The following PRKCA variants were observed in gnomAD, a reference collection of about 807,000 sequenced individuals.
The protein encoded by PRKCA is protein kinase C alpha.
A neutral mutation model predicts 87.0 loss-of-function variants in PRKCA; 27 were observed. The observed-to-expected ratio is 0.31, with a 90% CI of 0.23 to 0.43. PRKCA has a LOEUF of 0.43. PRKCA is among the 20% of genes least tolerant of loss of function. The pLI is 1.00. For missense variants in PRKCA, 518 were observed against 852.3 expected (o/e 0.61, Z 4.88); for synonymous variants, 329 against 311.1 (o/e 1.06, Z -0.61).
rs572757666 is a variant in PRKCA, at chr17:66,463,794, C to T, written c.206-32407C>T. Among the ~76,000 whole-genome samples the T allele has an allele frequency of 1.2e-4, 19 of 152,328 alleles. No individual in the cohort carries two copies. In the South Asian group the frequency reaches 3.9e-3, roughly 32 times the overall value. Reference sequence around the variant, plus strand: ...CAGAGATTTCCCATGTACCTCATTTCTCTGTGCCTGCACAGCATCCCCACT... The same window carrying T: ...CAGAGATTTCCCATGTACCTCATTTTTCTGTGCCTGCACAGCATCCCCACT... On this transcript the variant is annotated intron_variant, in intron 2 of 16. Coordinates refer to ENST00000413366, the MANE Select transcript of PRKCA (RefSeq NM_002737.3).
Position 66,465,142 on chromosome 17 carries a change from C to T in PRKCA, c.206-31059C>T, listed in dbSNP as rs375181761. On this transcript the variant is annotated intron_variant, in intron 2 of 16. Coordinates refer to ENST00000413366, the MANE Select transcript of PRKCA (RefSeq NM_002737.3). ...TAGGAAACTCTTTGACTAGGCCAAC[C>T]CCCATAGCCTTAATAACCACAACTT... 7.2e-5 allele frequency among the ~76,000 whole-genome samples: 11 copies of T among 152,084 alleles called. No homozygotes were observed. The East Asian group carries it at 2.1e-3, about 29-fold the overall frequency.
At chr17:66,733,969 A>C (rs1278736300) in intron 9 of PRKCA, among the ~76,000 whole-genome samples, 2 of 152,256 alleles carry the variant, frequency 1.3e-5, no homozygotes, top group Non-Finnish European at 2.9e-5. Flanking sequence ...AGTCCAAGTC[A>C]TAGTGATCTG....
At chr17:66,755,870 C>A (rs762634858) in intron 13 of PRKCA, among the ~76,000 whole-genome samples, 45 of 152,148 alleles carry the variant, frequency 3.0e-4, no homozygotes, top group Non-Finnish European at 5.1e-4. Context: ...TGGTAGAATT[C>A]TCGCCTCCCT....
intron 8 of PRKCA, among the ~76,000 whole-genome samples, chr17:66,725,875 T>C (rs888130980): frequency 1.1e-4 from 16 of 150,804 alleles, no homozygotes; most frequent in African/African-American, 3.4e-4. Flanking sequence ...CGTAGCCCCA[T>C]GGTTTTGAGA....
At chr17:66,340,778 C>T (rs1295906963) in intron 2 of PRKCA, among the ~76,000 whole-genome samples, 2 of 152,098 alleles carry the variant, frequency 1.3e-5, no homozygotes, top group African/African-American at 2.4e-5. Flanking sequence ...ATCTTTAATA[C>T]AGCAACTGTG....
chr17:66,733,700 G>A (rs1043124078), intron 9 of PRKCA, among the ~76,000 whole-genome samples: 4 of 152,190 alleles, frequency 2.6e-5, no homozygotes, highest in Admixed American at 2.0e-4. Context: ...GCTGAGGCAG[G>A]AGAATCGCTG....
At chr17:66,537,383 G>C (rs1967825545) in intron 3 of PRKCA, among the ~76,000 whole-genome samples, 1 of 152,166 alleles carries the variant, frequency 6.6e-6, no homozygotes, top group Admixed American at 6.5e-5. Context: ...AAGGATCTAA[G>C]GATATTAGGA....
intron 5 of PRKCA, among the ~76,000 whole-genome samples, chr17:66,650,829 G>A (rs1306860887): frequency 6.6e-6 from 1 of 152,188 alleles, no homozygotes; most frequent in Non-Finnish European, 1.5e-5. Context: ...CAGAATGAAG[G>A]AAATGAGCCT....
intron 8 of PRKCA, among the ~76,000 whole-genome samples, chr17:66,708,319 C>T (rs1385420249): frequency 6.6e-6 from 1 of 152,194 alleles, no homozygotes; most frequent in Non-Finnish European, 1.5e-5. Context: ...TCTCCCTTCC[C>T]AGCATCCAGG....
chr17:66,465,663 G>A (rs1915052737), intron 2 of PRKCA, among the ~76,000 whole-genome samples: 1 of 151,894 alleles, frequency 6.6e-6, no homozygotes, highest in Non-Finnish European at 1.5e-5. Context: ...CCCCTCAAAA[G>A]TGTTGAGATT....
At chr17:66,728,603 G>A (rs1973812058) in intron 8 of PRKCA, among the ~76,000 whole-genome samples, 1 of 152,242 alleles carries the variant, frequency 6.6e-6, no homozygotes, top group African/African-American at 2.4e-5. Flanking sequence ...TAGCCTGACT[G>A]TGAGCAGTGT....
chr17:66,662,125 A>G (rs1971923517), intron 5 of PRKCA, among the ~76,000 whole-genome samples: 1 of 152,184 alleles, frequency 6.6e-6, no homozygotes, highest in Non-Finnish European at 1.5e-5. Flanking sequence ...GGTACCTTTT[A>G]TCCCTGAATC....
chr17:66,602,888 C>G (rs1035515097), intron 3 of PRKCA, among the ~76,000 whole-genome samples: 1 of 152,166 alleles, frequency 6.6e-6, no homozygotes, highest in South Asian at 2.1e-4. Flanking sequence ...AGCTTGGCCT[C>G]TCCTCTTCCG....
chr17:66,471,070 T>C (rs1915305122), intron 2 of PRKCA, among the ~76,000 whole-genome samples: 2 of 151,800 alleles, frequency 1.3e-5, no homozygotes, highest in African/African-American at 4.8e-5. Flanking sequence ...TGCATGAGAA[T>C]ACATACAAGA....
At chr17:66,457,884 C>T (rs1438587048) in intron 2 of PRKCA, among the ~76,000 whole-genome samples, 1 of 152,166 alleles carries the variant, frequency 6.6e-6, no homozygotes, top group Non-Finnish European at 1.5e-5. Context: ...CTACTACAGC[C>T]ATGATCACTA....
intron 14 of PRKCA, chr17:66,777,860 C>T (rs1008681775): frequency 1.0e-6 from 1 of 985,428 alleles, no homozygotes; most frequent in African/African-American, 1.7e-5. Context: ...CCCAGGTCTG[C>T]AGGAAAGTCC....
intron 13 of PRKCA, among the ~76,000 whole-genome samples, chr17:66,748,774 G>C (rs56241335): frequency 3.9e-5 from 6 of 152,112 alleles, no homozygotes; most frequent in Non-Finnish European, 8.8e-5. Context: ...CATCATTTAC[G>C]TGGCAGAAAC....
intron 5 of PRKCA, among the ~76,000 whole-genome samples, chr17:66,680,468 GA>G (rs1350125581): frequency 6.6e-6 from 1 of 152,086 alleles, no homozygotes; most frequent in Non-Finnish European, 1.5e-5. Flanking sequence ...GAGGGGGGGA[GA>G]AAAAGTAATA....
intron 2 of PRKCA, among the ~76,000 whole-genome samples, chr17:66,417,962 A>C (rs1251187021): frequency 2.6e-5 from 4 of 152,172 alleles, no homozygotes; most frequent in Non-Finnish European, 5.9e-5. Context: ...TCTGCACAGC[A>C]ATGTTGCACA....
Sources: allele counts gnomAD v4.1 joint callset (sites outside exome capture counted in the v4.1 genomes callset), GRCh38; gene constraint gnomAD v4.1.1; transcripts MANE v1.5; gene names NCBI Gene and HGNC (gene_info 2026-07-23, HGNC 2026-07-21).